GALNT10: variants seen among roughly 807,000 people sequenced by gnomAD.
The protein encoded by GALNT10 is GalNAc transferase 10.
A neutral mutation model predicts 75.0 loss-of-function variants in GALNT10; 41 were observed. That is an observed-to-expected ratio of 0.55 (90% CI 0.43 to 0.71). GALNT10 has a LOEUF of 0.71. Ranked by LOEUF, GALNT10 falls within the 30% of genes least tolerant of loss-of-function variation. The probability of loss-of-function intolerance (pLI) is 0.00; values close to 1 mark genes in which losing one functional copy is unlikely to be tolerated. For missense variants in GALNT10, 727 were observed against 818.5 expected (o/e 0.89, Z 1.36); for synonymous variants, 302 against 313.0 (o/e 0.96, Z 0.37).
At chr5:154,317,878 T>C (rs1013829779) in intron 3 of GALNT10, among the ~76,000 whole-genome samples, 2 of 152,242 alleles carry the variant, frequency 1.3e-5, no homozygotes, top group Non-Finnish European at 2.9e-5. Context: ...TCTCCAACTC[T>C]TGGCTCTGTT....
intron 3 of GALNT10, among the ~76,000 whole-genome samples, chr5:154,321,239 T>C (rs1754668477): frequency 5.3e-5 from 8 of 152,076 alleles, no homozygotes; most frequent in Admixed American, 4.6e-4. Context: ...GAACAGTAGA[T>C]TGCAATGGCA....
intron 3 of GALNT10, among the ~76,000 whole-genome samples, chr5:154,306,082 G>A (rs1754428697): frequency 6.6e-6 from 1 of 152,088 alleles, no homozygotes; most frequent in Admixed American, 6.6e-5. Context: ...GAGATTATGA[G>A]ATTTCAACAC....
intron 1 of GALNT10, among the ~76,000 whole-genome samples, chr5:154,227,011 A>G (rs1219707716): frequency 6.6e-6 from 1 of 151,158 alleles, no homozygotes; most frequent in Non-Finnish European, 1.5e-5. Context: ...TTCATGTAGC[A>G]TGTATCAATA....
chr5:154,329,685 C>T lies in GALNT10; in HGVS notation c.515C>T (p.Ser172Leu), dbSNP rs759320997. ...LRTVHSVLNR[S>L]PPELVAEIVL... ...ACCGTCCACAGTGTGCTCAATCGCT[C>T]GCCTCCAGAGCTGGTCGCCGAGATT... is the stretch of plus-strand genomic sequence containing the variant. The change falls in exon 4 of 12, where the codon TCG becomes TTG. Residue 172 changes from serine (S) to leucine (L), a missense_variant. By Grantham distance (145) the Ser-to-Leu change is moderately radical. Coordinates refer to ENST00000297107, the MANE Select transcript of GALNT10 (RefSeq NM_198321.4). 5.6e-6 allele frequency: 9 copies of T among 1,613,664 alleles called. No individual in the cohort carries two copies. The highest frequency in any genetic ancestry group is 1.6e-4 in the Middle Eastern group (1 of 6,062).
intron 8 of GALNT10, among the ~76,000 whole-genome samples, chr5:154,405,455 CG>C (rs903409999): frequency 4.6e-5 from 7 of 152,048 alleles, no homozygotes; most frequent in Non-Finnish European, 1.0e-4. Context: ...CCGACACGGG[CG>C]GGGGGTAGGT....
intron 1 of GALNT10, among the ~76,000 whole-genome samples, chr5:154,266,022 G>A (rs886450174): frequency 1.3e-5 from 2 of 152,120 alleles, no homozygotes; most frequent in African/African-American, 4.8e-5. Context: ...CCAGCCTGAG[G>A]TGATAATCAG....
At chr5:154,192,699 T>G (rs1295285035) in intron 1 of GALNT10, among the ~76,000 whole-genome samples, 1 of 152,208 alleles carries the variant, frequency 6.6e-6, no homozygotes, top group Non-Finnish European at 1.5e-5. Flanking sequence ...CCTTGTAGCA[T>G]CCCTAGCTGT....
intron 4 of GALNT10, among the ~76,000 whole-genome samples, chr5:154,371,559 TGTGTACACACACACACACACACAC>T (rs1421437565): frequency 2.0e-5 from 1 of 51,068 alleles, no homozygotes; most frequent in East Asian, 3.6e-4. Context: ...TGTGTGTGTG[TGTGTACACACACACACACACACAC>T]GTGTGCACAC....
chr5:154,205,332 CA>C (rs1214734819), intron 1 of GALNT10, among the ~76,000 whole-genome samples: 1 of 152,236 alleles, frequency 6.6e-6, no homozygotes, highest in African/African-American at 2.4e-5. Context: ...TCCCTCCAGA[CA>C]GTCTTTAGAA....
Position 154,409,752 on chromosome 5 carries a change from C to T in GALNT10, c.1376C>T (p.Ala459Val). The T allele has an allele frequency of 1.2e-6, 2 of 1,611,672 alleles. No homozygotes were observed. Among genetic ancestry groups the T allele is most frequent in the South Asian group, 2.2e-5 (2 of 91,042 alleles). Residue 459 changes from alanine (A) to valine (V), a missense_variant, in exon 9 of 12, where the codon GCT becomes GTT. Physicochemically the swap from Ala to Val is moderately conservative, Grantham distance 64. Transcript: ENST00000297107. The surrounding 1 kb of genome is among the most constrained non-coding windows in gnomAD (Gnocchi z 4.5). ...CCACCCGTGGAGCCCCCGGCTGCAGCTTGGGGGGAGGTGAGTCTGGAGGGC... is the reference window on the plus strand; with the variant it reads ...CCACCCGTGGAGCCCCCGGCTGCAGTTTGGGGGGAGGTGAGTCTGGAGGGC... ...FYPPVEPPAAAWGEIRNVGTG... is the reference protein window; with the variant it reads ...FYPPVEPPAAVWGEIRNVGTG...
intron 4 of GALNT10, among the ~76,000 whole-genome samples, chr5:154,359,671 G>C (rs1755352684): frequency 6.6e-6 from 1 of 151,718 alleles, no homozygotes; most frequent in South Asian, 2.1e-4. Context: ...CTTTGACAAG[G>C]GCCATCCTTT....
intron 7 of GALNT10, among the ~76,000 whole-genome samples, chr5:154,393,361 A>G (rs1172071006): frequency 6.6e-6 from 1 of 152,138 alleles, no homozygotes; most frequent in Non-Finnish European, 1.5e-5. Flanking sequence ...GGTATGAGCC[A>G]CCGCGCCCAG....
chr5:154,191,412 G>T (rs1774856166), intron 1 of GALNT10, among the ~76,000 whole-genome samples: 2 of 147,534 alleles, frequency 1.4e-5, no homozygotes, highest in African/African-American at 5.1e-5. Flanking sequence ...TGGTGTCCAG[G>T]TCCTCTCTGC....
At chr5:154,395,504 G>A (rs1258608593) in intron 7 of GALNT10, among the ~76,000 whole-genome samples, 12 of 152,184 alleles carry the variant, frequency 7.9e-5, no homozygotes, top group East Asian at 1.9e-4. Context: ...ATAAATGTTC[G>A]CTAAATGATA....
At chr5:154,274,182 AG>A (rs1753915089) in intron 1 of GALNT10, among the ~76,000 whole-genome samples, 1 of 152,192 alleles carries the variant, frequency 6.6e-6, no homozygotes, top group Admixed American at 6.5e-5. Flanking sequence ...CAGATTCTGG[AG>A]GACAGGAAAC....
chr5:154,203,997 T>C (rs1373062267), intron 1 of GALNT10, among the ~76,000 whole-genome samples: 1 of 152,176 alleles, frequency 6.6e-6, no homozygotes, highest in Non-Finnish European at 1.5e-5. Flanking sequence ...CAATAAAGCT[T>C]TATTTGCAAA....
chr5:154,213,323 C>T (rs949120341), intron 1 of GALNT10, among the ~76,000 whole-genome samples: 10 of 152,124 alleles, frequency 6.6e-5, no homozygotes, highest in South Asian at 4.2e-4. Context: ...CTCTCCAGGC[C>T]GAACATTCCT....
At chr5:154,243,569 C>A (rs1753373026) in intron 1 of GALNT10, among the ~76,000 whole-genome samples, 1 of 150,222 alleles carries the variant, frequency 6.7e-6, no homozygotes, top group African/African-American at 2.5e-5. Flanking sequence ...TGACCTTGAG[C>A]AAATTATTTA....
chr5:154,192,557 C>T (rs1340413749), intron 1 of GALNT10, among the ~76,000 whole-genome samples: 1 of 152,252 alleles, frequency 6.6e-6, no homozygotes, highest in East Asian at 1.9e-4. Flanking sequence ...CCTTTCATCT[C>T]CTTTTCTGAG....
Sources: allele counts gnomAD v4.1 joint callset (sites outside exome capture counted in the v4.1 genomes callset), GRCh38; gene constraint gnomAD v4.1.1; non-coding constraint Gnocchi (gnomAD v3.1); transcripts MANE v1.5; gene names NCBI Gene and HGNC (gene_info 2026-07-23, HGNC 2026-07-21).